Variants in SLC2A9 observed in about 807,000 individuals in gnomAD.
SLC2A9 encodes the protein solute carrier family 2 member 9.
Under a neutral mutation model 50.6 loss-of-function variants are expected in SLC2A9, and 39 were observed. The observed-to-expected ratio is 0.77, with a 90% CI of 0.60 to 1.01. The LOEUF is 1.01. Among genes scored for constraint, SLC2A9 ranks in the 50% least tolerant of loss-of-function variants. SLC2A9 has a pLI of 0.00. For synonymous variants in SLC2A9, 324 were observed against 276.9 expected, an observed-to-expected ratio of 1.17 and a Z score of -1.69; for missense variants, 686 against 677.6, an observed-to-expected ratio of 1.01 and a Z score of -0.14.
At chr4:9,880,522 CA>C (rs1735021145) in intron 10 of SLC2A9, 1 of 984,452 alleles carries the variant, frequency 1.0e-6, no homozygotes, top group East Asian at 1.1e-4. Flanking sequence ...AGGATCATTG[CA>C]AAAAGTCTTG....
intron 3 of SLC2A9, among the ~76,000 whole-genome samples, chr4:9,799,561 A>T (rs1483545088): frequency 6.6e-6 from 1 of 152,048 alleles, no homozygotes; most frequent in Admixed American, 6.6e-5. Context: ...AAATCTCCAC[A>T]TATGAAATTT....
chr4:10,007,834 A>G (rs1253078169), intron 2 of SLC2A9, among the ~76,000 whole-genome samples: 1 of 152,224 alleles, frequency 6.6e-6, no homozygotes, highest in Non-Finnish European at 1.5e-5. Context: ...TGCAACATCA[A>G]TTCTGGAATA....
rs143255497 is a variant in SLC2A9 at position 9,854,025 on chromosome 4, A to C, written c.1292-19017T>G. Among the ~76,000 whole-genome samples, 825 of 152,308 alleles carry C rather than the reference A, an allele frequency of 5.4e-3. 9 individuals carry two copies. Among genetic ancestry groups the C allele is most frequent in the Non-Finnish European group, 5.7e-3 (391 of 68,028 alleles). ...TAAAAAAAAAAGTTCACAGTGCTAA[A>C]TGCCCACATCAAAAAGTTAGAAAGA... On this transcript the variant is annotated intron_variant, in intron 10 of 11. Transcript: ENST00000264784.
rs371448805 is a variant in SLC2A9, at chr4:9,977,399, A to C, written c.681+3193T>G. On this transcript the variant is annotated intron_variant, in intron 5 of 11. Coordinates refer to ENST00000264784, the MANE Select transcript of SLC2A9 (RefSeq NM_020041.3). The stretch of plus-strand genomic sequence containing the variant: ...ATCTCTAGGCCAGTGTCTGTGATGG[A>C]AACAGTAGGAGATGCCCTTGTCCCT... 5.8e-4 allele frequency among the ~76,000 whole-genome samples: 88 copies of C among 152,212 alleles called. 2 individuals carry two copies. In the Middle Eastern group the frequency reaches 0.041, roughly 71 times the overall value.
chr4:9,964,744 TCTG>T (rs1560399228), intron 5 of SLC2A9, among the ~76,000 whole-genome samples: 4 of 152,150 alleles, frequency 2.6e-5, no homozygotes, highest in Non-Finnish European at 4.4e-5. Context: ...ACACTTAGGG[TCTG>T]GATGAGAAAA....
chr4:9,793,016 A>C (rs1399675650), intron 3 of SLC2A9, among the ~76,000 whole-genome samples: 2 of 152,200 alleles, frequency 1.3e-5, no homozygotes, highest in Non-Finnish European at 2.9e-5. Context: ...CTGGGATTAC[A>C]GGCATGCGCT....
At chr4:9,907,410 C>T (rs1740883912) in intron 8 of SLC2A9, among the ~76,000 whole-genome samples, 1 of 152,196 alleles carries the variant, frequency 6.6e-6, no homozygotes, top group Admixed American at 6.5e-5. Flanking sequence ...CCCAACTTTC[C>T]CCTCCACCAG....
At chr4:9,927,035 T>TTC (rs1430932600) in intron 6 of SLC2A9, among the ~76,000 whole-genome samples, 1 of 151,174 alleles carries the variant, frequency 6.6e-6, no homozygotes, top group African/African-American at 2.4e-5. Flanking sequence ...GTTCGATTTT[T>TTC]TTTTTTTTTT....
rs114069885 is a variant in SLC2A9, at chr4:9,878,103, A to C, written c.1291+9464T>G. Among the ~76,000 whole-genome samples, 1,009 of 151,378 alleles carry C rather than the reference A, an allele frequency of 6.7e-3. 9 individuals are homozygous for C. Among genetic ancestry groups the C allele is most frequent in the Middle Eastern group, 0.027 (8 of 294 alleles). On this transcript the variant is annotated intron_variant, in intron 10 of 11. Coordinates refer to ENST00000264784, the MANE Select transcript of SLC2A9 (RefSeq NM_020041.3). ...TGTCTTGCTCATCCTTTTATCTTCA[A>C]CTCCCAGCCCAGGGCTGGCACTGTG...
downstream of SLC2A9, among the ~76,000 whole-genome samples, chr4:9,796,973 G>A (rs544559200): frequency 3.6e-4 from 55 of 152,290 alleles, no homozygotes; most frequent in African/African-American, 1.3e-3. Context: ...CACTTCCATG[G>A]AAAGGAGGGA....
At chr4:9,891,219 C>T (rs1737356916) in intron 8 of SLC2A9, among the ~76,000 whole-genome samples, 1 of 152,110 alleles carries the variant, frequency 6.6e-6, no homozygotes, top group Non-Finnish European at 1.5e-5. Context: ...GTGGGGAGTC[C>T]CTGGGGAAGT....
intron 1 of SLC2A9, among the ~76,000 whole-genome samples, chr4:10,020,599 C>T (rs1042692637): frequency 6.6e-6 from 1 of 152,130 alleles, no homozygotes; most frequent in Non-Finnish European, 1.5e-5. Flanking sequence ...TCAGATGAAA[C>T]GCCTGTTCTC....
chr4:9,808,523 A>C (rs938194439), intron 3 of SLC2A9, among the ~76,000 whole-genome samples: 1 of 152,326 alleles, frequency 6.6e-6, no homozygotes, highest in Non-Finnish European at 1.5e-5. Context: ...TTGTATTTAT[A>C]GTAATAATAG....
chr4:9,998,769 G>A (rs568608315), intron 2 of SLC2A9, among the ~76,000 whole-genome samples: 27 of 152,214 alleles, frequency 1.8e-4, no homozygotes, highest in Admixed American at 7.2e-4. Flanking sequence ...TCGATAGCAG[G>A]AATAAACAAA....
At chr4:9,997,853 G>C (rs183544360) in intron 2 of SLC2A9, among the ~76,000 whole-genome samples, 1 of 152,122 alleles carries the variant, frequency 6.6e-6, no homozygotes, top group Non-Finnish European at 1.5e-5. Context: ...ATTCAGAAAT[G>C]AAAAGACAAC....
At chr4:9,781,810 T>A (rs1305932364) in intron 3 of SLC2A9, 4 of 432,550 alleles carry the variant, frequency 9.2e-6, no homozygotes, top group Non-Finnish European at 1.2e-5. Flanking sequence ...TCGCGGAGAC[T>A]GGAGGGGCGC....
intron 5 of SLC2A9, among the ~76,000 whole-genome samples, chr4:9,952,918 C>T (rs1490799622): frequency 6.6e-6 from 1 of 152,102 alleles, no homozygotes; most frequent in Non-Finnish European, 1.5e-5. Flanking sequence ...CAGAAGCGGT[C>T]GGGTCATTTT....
At chr4:9,817,137 T>C (rs1485379653) in intron 3 of SLC2A9, among the ~76,000 whole-genome samples, 1 of 152,212 alleles carries the variant, frequency 6.6e-6, no homozygotes, top group Non-Finnish European at 1.5e-5. Context: ...CTCCCTTTTA[T>C]AAGGACCTTT....
chr4:9,933,283 C>A (rs545688235), intron 6 of SLC2A9, among the ~76,000 whole-genome samples: 1 of 152,320 alleles, frequency 6.6e-6, no homozygotes, highest in Admixed American at 6.5e-5. Flanking sequence ...AATGCCAATG[C>A]AACTCTTTCA....
Sources: gnomAD v4.1 joint callset for allele counts (sites outside exome capture counted in the v4.1 genomes callset) on GRCh38, gnomAD v4.1.1 for gene constraint, MANE v1.5 for transcripts, NCBI Gene and HGNC (gene_info 2026-07-23, HGNC 2026-07-21) for gene names.